CD36: variants seen among roughly 807,000 people sequenced by gnomAD.
CD36 encodes the protein CD36 molecule (CD36 blood group).
In CD36, 119 loss-of-function variants were observed where a neutral mutation model predicts 55.2. The ratio of observed to expected loss-of-function variants is 2.15; its 90% CI spans 1.86 to 2.51. The LOEUF (loss-of-function observed/expected upper bound fraction) is 2.51. CD36 is among the 30% of genes most tolerant of loss of function. CD36 has a pLI of 0.00. For synonymous variants in CD36, 186 were observed against 193.6 expected (o/e 0.96, Z 0.33); for missense variants, 819 against 555.5 (o/e 1.47, Z -4.77).
chr7:80,649,588 A>T (rs989349024), intron 3 of CD36, among the ~76,000 whole-genome samples: 2 of 152,052 alleles, frequency 1.3e-5, no homozygotes, highest in African/African-American at 4.8e-5. Flanking sequence ...ATGTCCAGTG[A>T]GTTATTGATA....
At chr7:80,611,737 A>G (rs1235550053) in intron 1 of CD36, among the ~76,000 whole-genome samples, 1 of 152,156 alleles carries the variant, frequency 6.6e-6, no homozygotes, top group Non-Finnish European at 1.5e-5. Context: ...TCTGAATTAG[A>G]TGTTGTCAGG....
intron 1 of CD36, among the ~76,000 whole-genome samples, chr7:80,611,168 C>A (rs906376696): frequency 2.6e-5 from 4 of 152,172 alleles, no homozygotes; most frequent in African/African-American, 9.7e-5. Flanking sequence ...TAGGCCTGAG[C>A]CACTGCGCCC....
At chr7:80,626,806 T>C (rs976687485) in intron 1 of CD36, among the ~76,000 whole-genome samples, 3 of 152,090 alleles carry the variant, frequency 2.0e-5, no homozygotes, top group African/African-American at 4.8e-5. Context: ...TTGTTCCCTG[T>C]AGTACATTTA....
At chr7:80,617,727 CAA>C (rs5885184) in intron 1 of CD36, among the ~76,000 whole-genome samples, 545 of 122,736 alleles carry the variant, frequency 4.4e-3, no homozygotes, top group Middle Eastern at 8.2e-3. Context: ...ACTGTGTCTC[CAA>C]AAAAAAAAAA....
intron 4 of CD36, among the ~76,000 whole-genome samples, chr7:80,659,385 G>A (rs973506039): frequency 3.3e-5 from 5 of 152,146 alleles, no homozygotes; most frequent in African/African-American, 1.2e-4. Context: ...GATCTTATGT[G>A]TGTTTCTACC....
intron 5 of CD36, chr7:80,662,597 T>TTAAG (rs1358075086): frequency 1.3e-5 from 3 of 222,580 alleles, no homozygotes; most frequent in African/African-American, 7.1e-5. Flanking sequence ...TTTTTTTTTT[T>TTAAG]TAAGTTCTGG....
chr7:80,666,755 C>T (rs1050900815), intron 8 of CD36, among the ~76,000 whole-genome samples: 3 of 152,116 alleles, frequency 2.0e-5, no homozygotes, highest in Non-Finnish European at 2.9e-5. Context: ...GCCATCCTGG[C>T]AACAGAAGTA....
chr7:80,633,640 T>TTA (rs537430095), intron 1 of CD36, among the ~76,000 whole-genome samples: 104 of 152,142 alleles, frequency 6.8e-4, no homozygotes, highest in African/African-American at 2.4e-3. Context: ...CCTCAACTTA[T>TTA]AAAGCAGTTA....
intron 1 of CD36, among the ~76,000 whole-genome samples, chr7:80,645,850 C>T (rs1795130122): frequency 6.6e-6 from 1 of 152,076 alleles, no homozygotes. Context: ...GCTTCAAATT[C>T]TTTATACCTG....
chr7:80,632,276 CAG>C (rs892675120), intron 1 of CD36, among the ~76,000 whole-genome samples: 2 of 146,378 alleles, frequency 1.4e-5, no homozygotes, highest in African/African-American at 5.1e-5. Context: ...AAAAAAAAAA[CAG>C]AACAAGAATG....
intron 3 of CD36, among the ~76,000 whole-genome samples, chr7:80,648,137 T>A (rs1795310832): frequency 6.6e-6 from 1 of 152,104 alleles, no homozygotes; most frequent in Non-Finnish European, 1.5e-5. Context: ...GTTTTCTTGA[T>A]AGTATTTTTA....
chr7:80,642,011 T>C (rs11771152), intron 1 of CD36, among the ~76,000 whole-genome samples: 73,826 of 151,556 alleles, frequency 0.49, 18,491 homozygotes, highest in Non-Finnish European at 0.55. Context: ...GGTCCACTCA[T>C]GAATTCTACA....
chr7:80,674,438 C>A (rs909515557), intron 14 of CD36: 6 of 353,332 alleles, frequency 1.7e-5, no homozygotes, highest in Admixed American at 4.5e-5. Flanking sequence ...GTTCATTTCT[C>A]AATTATATAG....
At chr7:80,666,141 C>A in intron 7 of CD36, 1 of 336,738 alleles carries the variant, frequency 3.0e-6, no homozygotes, top group Non-Finnish European at 5.6e-6. Flanking sequence ...AAAAAATTTC[C>A]CCTAAGTAGA....
chr7:80,635,011 A>G, upstream of CD36, among the ~76,000 whole-genome samples: 1 of 152,138 alleles, frequency 6.6e-6, no homozygotes, highest in Non-Finnish European at 1.5e-5. Context: ...GGGACAAAGC[A>G]ATTTATGGAA....
chr7:80,648,374 G>A (rs1422324469), intron 3 of CD36, among the ~76,000 whole-genome samples: 1 of 152,032 alleles, frequency 6.6e-6, no homozygotes, highest in African/African-American at 2.4e-5. Context: ...AATGCACAGC[G>A]ATTTAGACTA....
intron 3 of CD36, among the ~76,000 whole-genome samples, chr7:80,655,989 C>T (rs181769197): frequency 6.6e-6 from 1 of 151,406 alleles, no homozygotes; most frequent in Non-Finnish European, 1.5e-5. Context: ...TTTGAAGACA[C>T]GGTGTCAAAT....
chr7:80,604,350 A>ATTTTTTTTTTTTTTTTTTTTTTTTTTTT (rs67213422), intron 1 of CD36, among the ~76,000 whole-genome samples: 2 of 54,296 alleles, frequency 3.7e-5, no homozygotes, highest in Non-Finnish European at 8.3e-5. Flanking sequence ...AGCCACTGGA[A>ATTTTTTTTTTTTTTTTTTTTTTTTTTTT]TTTTTTTTTT....
intron 3 of CD36, among the ~76,000 whole-genome samples, chr7:80,655,559 T>C (rs1036729420): frequency 5.3e-5 from 8 of 152,192 alleles, no homozygotes; most frequent in African/African-American, 1.2e-4. Flanking sequence ...ATAGGACAGC[T>C]TCCTTGTCCT....
Sources: gnomAD v4.1 joint callset for allele counts (sites outside exome capture counted in the v4.1 genomes callset) on GRCh38, gnomAD v4.1.1 for gene constraint, MANE v1.5 for transcripts, NCBI Gene and HGNC (gene_info 2026-07-23, HGNC 2026-07-21) for gene names.